The following CCDC6 variants were observed in gnomAD, a reference collection of about 807,000 sequenced individuals.
CCDC6 encodes the protein coiled-coil domain containing 6.
A neutral mutation model predicts 56.6 loss-of-function variants in CCDC6; 20 were observed. The observed-to-expected ratio is 0.35, with a 90% CI of 0.25 to 0.51. The LOEUF (loss-of-function observed/expected upper bound fraction) is 0.51, where lower values mean the gene tolerates loss of function less well. Among genes scored for constraint, CCDC6 ranks in the 20% least tolerant of loss-of-function variants. The probability of loss-of-function intolerance (pLI) is 0.95; values close to 1 mark genes in which losing one functional copy is unlikely to be tolerated. For missense variants in CCDC6, 367 were observed against 601.1 expected (o/e 0.61, Z 4.07); for synonymous variants, 241 against 234.4 (o/e 1.03, Z -0.26).
chr10:59,876,073 C>CTTTGTTTTT (rs2071277224), intron 1 of CCDC6, among the ~76,000 whole-genome samples: 1 of 97,586 alleles, frequency 1.0e-5, no homozygotes, highest in African/African-American at 4.1e-5. Flanking sequence ...GCACAGATGT[C>CTTTGTTTTT]TTTTTTTTTT....
chr10:59,866,147 C>T (rs555681538), intron 1 of CCDC6, among the ~76,000 whole-genome samples: 5 of 152,276 alleles, frequency 3.3e-5, no homozygotes, highest in South Asian at 2.1e-4. Context: ...TGGGAAGCAC[C>T]GTGTGGAATG....
At chr10:59,832,728 A>G in intron 2 of CCDC6, 75 bp from the exon 3 acceptor site, 1 of 1,506,284 alleles carries the variant, frequency 6.6e-7, no homozygotes, top group Non-Finnish European at 9.1e-7. Context: ...CCAAAAGGTG[A>G]CTATACAAAG....
At chr10:59,857,019 T>C (rs1589051423) in intron 1 of CCDC6, among the ~76,000 whole-genome samples, 1 of 152,172 alleles carries the variant, frequency 6.6e-6, no homozygotes, top group Non-Finnish European at 1.5e-5. Flanking sequence ...GTTGCTATAT[T>C]TAGAAATTTG....
intron 1 of CCDC6, among the ~76,000 whole-genome samples, chr10:59,885,931 A>G (rs1250137986): frequency 9.6e-6 from 1 of 104,274 alleles, no homozygotes; most frequent in Admixed American, 1.1e-4. Context: ...CGCCCCCCCA[A>G]CTAGAATATC....
chr10:59,822,381 C>G (rs61848695), intron 3 of CCDC6, among the ~76,000 whole-genome samples: 29,898 of 152,068 alleles, frequency 0.2, 3,622 homozygotes, highest in Middle Eastern at 0.29. Flanking sequence ...ATCACTTTAA[C>G]ATCAACATAA....
intron 2 of CCDC6, among the ~76,000 whole-genome samples, chr10:59,845,346 G>GTTTT (rs151236986): frequency 3.0e-4 from 29 of 96,946 alleles, no homozygotes; most frequent in East Asian, 1.6e-3. Context: ...GCCCCTATGG[G>GTTTT]TTTTTTTTTT....
At chr10:59,804,613 G>A in intron 6 of CCDC6, 93 bp from the exon 7 acceptor site, 1 of 746,536 alleles carries the variant, frequency 1.3e-6, no homozygotes, top group Non-Finnish European at 2.4e-6. Context: ...TTCACACCTT[G>A]AGGTCAAAAT....
chr10:59,871,944 G>A (rs984548587), intron 1 of CCDC6, among the ~76,000 whole-genome samples: 1 of 152,156 alleles, frequency 6.6e-6, no homozygotes, highest in Non-Finnish European at 1.5e-5. Context: ...CTTAAAGGGA[G>A]GAAGAAGGGA....
At chr10:59,820,522 T>C (rs776742717) in intron 3 of CCDC6, among the ~76,000 whole-genome samples, 2 of 152,078 alleles carry the variant, frequency 1.3e-5, no homozygotes, top group Non-Finnish European at 2.9e-5. Flanking sequence ...GGCTATCATA[T>C]AAATAGAACA....
chr10:59,892,947 C>T lies in CCDC6; in HGVS notation c.303+13175G>A, dbSNP rs114712042. Reference sequence around the variant, plus strand: ...CAATACTGAGGGAAGGGGGTGGGGCCGCCCAGGAAGCTGACTCTAAAACTG... The same window carrying T: ...CAATACTGAGGGAAGGGGGTGGGGCTGCCCAGGAAGCTGACTCTAAAACTG... On this transcript the variant is annotated intron_variant, in intron 1 of 8. Coordinates refer to ENST00000263102, the MANE Select transcript of CCDC6 (RefSeq NM_005436.5). Among the ~76,000 whole-genome samples the T allele has an allele frequency of 1.8e-3, 281 of 152,258 alleles. 2 individuals are homozygous for T. The highest frequency in any genetic ancestry group is 6.5e-3 in the African/African-American group (272 of 41,548).
chr10:59,890,878 C>CCCA (rs2071417219), intron 1 of CCDC6, among the ~76,000 whole-genome samples: 1 of 152,152 alleles, frequency 6.6e-6, no homozygotes, highest in East Asian at 1.9e-4. Context: ...CTATCCCTCC[C>CCCA]TCCTCCCCCA....
At chr10:59,874,936 T>C (rs779077018) in intron 1 of CCDC6, among the ~76,000 whole-genome samples, 6 of 152,196 alleles carry the variant, frequency 3.9e-5, no homozygotes, top group Non-Finnish European at 8.8e-5. Context: ...TTCTAACCTA[T>C]ACAACTATGA....
In CCDC6 at chr10:59,792,850, C is replaced by G. The variant is rs1334779324; in HGVS notation, c.*67G>C. The G allele has an allele frequency of 6.8e-7, 1 of 1,470,778 alleles. No individual in the cohort carries two copies. The highest frequency in any genetic ancestry group is 9.5e-7 in the Non-Finnish European group (1 of 1,049,786). The allele number at this position is 1,470,778 out of a possible 1,614,324, so 91.1% of individuals were successfully genotyped here. ...TATCCAAATATGCCAGAGAAGGAAG[C>G]CTTTGGCGTTGAGTAGACGGCTCCA... On this transcript the variant is annotated 3_prime_UTR_variant, in exon 9 of 9. Coordinates refer to ENST00000263102, the MANE Select transcript of CCDC6 (RefSeq NM_005436.5).
At chr10:59,865,672 T>C (rs61333185) in intron 1 of CCDC6, among the ~76,000 whole-genome samples, 26,071 of 151,486 alleles carry the variant, frequency 0.17, 2,574 homozygotes, top group African/African-American at 0.26. Flanking sequence ...GCCAACATGG[T>C]GAAACTCTGT....
intron 2 of CCDC6, among the ~76,000 whole-genome samples, chr10:59,844,760 A>AGAGAG (rs3999572): frequency 6.6e-4 from 59 of 89,154 alleles, no homozygotes; most frequent in East Asian, 1.3e-3. Context: ...AAAAAAAAAA[A>AGAGAG]AAAGAGAGAG....
intron 5 of CCDC6, among the ~76,000 whole-genome samples, chr10:59,811,767 A>G (rs887546710): frequency 6.6e-6 from 1 of 152,066 alleles, no homozygotes; most frequent in Non-Finnish European, 1.5e-5. Context: ...TGAATACTGT[A>G]TTTTCCATCC....
chr10:59,878,904 G>A (rs2071307765), intron 1 of CCDC6, among the ~76,000 whole-genome samples: 3 of 152,142 alleles, frequency 2.0e-5, no homozygotes, highest in Non-Finnish European at 4.4e-5. Context: ...AAGCCATAAG[G>A]GAAAGGAAAG....
chr10:59,795,139 G>A (rs68045193), intron 7 of CCDC6, among the ~76,000 whole-genome samples: 24,363 of 151,716 alleles, frequency 0.16, 2,506 homozygotes, highest in African/African-American at 0.28. Flanking sequence ...AAGTGTCTGC[G>A]CTAAGGAAAC....
chr10:59,811,617 T>C (rs1339719810), intron 5 of CCDC6, among the ~76,000 whole-genome samples: 1 of 152,144 alleles, frequency 6.6e-6, no homozygotes, highest in African/African-American at 2.4e-5. Context: ...AGTGTGCTCA[T>C]TGTGTTACTA....
Sources: gnomAD v4.1 joint callset for allele counts (sites outside exome capture counted in the v4.1 genomes callset) on GRCh38, gnomAD v4.1.1 for gene constraint, MANE v1.5 for transcripts, NCBI Gene and HGNC (gene_info 2026-07-23, HGNC 2026-07-21) for gene names.